Variants in PDZD2 observed in about 807,000 individuals in gnomAD.
PDZD2 encodes the protein PDZ domain-containing protein 2.
Under a neutral mutation model 220.7 loss-of-function variants are expected in PDZD2, and 90 were observed. The observed-to-expected ratio is 0.41, with a 90% confidence interval of 0.34 to 0.49. The LOEUF (loss-of-function observed/expected upper bound fraction) is 0.49, where lower values mean the gene tolerates loss of function less well. Ranked by LOEUF, PDZD2 falls within the 20% of genes least tolerant of loss-of-function variation. The pLI, the probability that PDZD2 is intolerant of heterozygous loss-of-function variation, is 0.28. For synonymous variants in PDZD2, 1,375 were observed against 1,450.5 expected, an observed-to-expected ratio of 0.95 and a Z score of 1.18; for missense variants, 3,174 against 3,608.5, an observed-to-expected ratio of 0.88 and a Z score of 3.08.
intron 2 of PDZD2, among the ~76,000 whole-genome samples, chr5:31,855,410 G>A (rs1349716838): frequency 6.6e-6 from 1 of 152,224 alleles, no homozygotes; most frequent in African/African-American, 2.4e-5. Context: ...ACTTGGAGCT[G>A]GTTTGTCAAT....
At chr5:32,104,716 TAAAAAAAAAAAAAAA>T (rs755177769) in intron 24 of PDZD2, among the ~76,000 whole-genome samples, 9 of 30,098 alleles carry the variant, frequency 3.0e-4, no homozygotes, top group South Asian at 4.3e-3. Context: ...AGGCTCCATC[TAAAAAAAAAAAAAAA>T]AAAAAAAAAA....
intron 1 of PDZD2, among the ~76,000 whole-genome samples, chr5:31,652,397 T>A (rs1283509031): frequency 6.6e-6 from 1 of 152,206 alleles, no homozygotes; most frequent in Non-Finnish European, 1.5e-5. Context: ...AGATAGGAGA[T>A]GGGTGCTTTC....
At chr5:31,937,727 G>A (rs1371929729) in intron 2 of PDZD2, among the ~76,000 whole-genome samples, 1 of 152,106 alleles carries the variant, frequency 6.6e-6, no homozygotes, top group Admixed American at 6.5e-5. Flanking sequence ...TCCTACCGTC[G>A]CCACCCCAAC....
At chr5:31,995,533 G>A (rs371933559) in intron 3 of PDZD2, 43 bp from the exon 4 acceptor site, 2 of 1,612,356 alleles carry the variant, frequency 1.2e-6, no homozygotes, top group Non-Finnish European at 1.7e-6. Context: ...AATGCCGTGT[G>A]TCTGTCAACC....
At chr5:31,941,852 C>T (rs371971959) in intron 2 of PDZD2, among the ~76,000 whole-genome samples, 5 of 152,198 alleles carry the variant, frequency 3.3e-5, no homozygotes, top group Non-Finnish European at 7.3e-5. Context: ...CATCAGTCTT[C>T]GCTATAGTCT....
chr5:31,676,568 CTTT>C (rs778418372), intron 1 of PDZD2, among the ~76,000 whole-genome samples: 11 of 136,362 alleles, frequency 8.1e-5, no homozygotes, highest in Admixed American at 7.5e-5. Context: ...TTTGCTTTCT[CTTT>C]TTTTTTTTTT....
intron 2 of PDZD2, among the ~76,000 whole-genome samples, chr5:31,903,093 G>A (rs922646155): frequency 4.0e-5 from 6 of 151,550 alleles, no homozygotes; most frequent in Non-Finnish European, 7.4e-5. Context: ...TCAGGAGTTC[G>A]AGACCAGCCT....
At chr5:31,940,604 G>A (rs141501047) in intron 2 of PDZD2, among the ~76,000 whole-genome samples, 1,538 of 152,302 alleles carry the variant, frequency 0.01, 29 homozygotes, top group African/African-American at 0.035. Flanking sequence ...TGTATTTTTG[G>A]TAATTTTGAG....
chr5:31,831,911 CAA>C (rs56394577), intron 2 of PDZD2, among the ~76,000 whole-genome samples: 56 of 63,734 alleles, frequency 8.8e-4, no homozygotes, highest in South Asian at 3.9e-3. Flanking sequence ...GAGACTGTTT[CAA>C]AAAAAAAAAA....
At chr5:32,046,894 T>C (rs1738026039) in intron 7 of PDZD2, among the ~76,000 whole-genome samples, 1 of 151,920 alleles carries the variant, frequency 6.6e-6, no homozygotes, top group East Asian at 1.9e-4. Context: ...AATAAAAAAA[T>C]TAGCTGGGCG....
At chr5:31,911,851 A>C (rs1164359696) in intron 2 of PDZD2, among the ~76,000 whole-genome samples, 1 of 152,140 alleles carries the variant, frequency 6.6e-6, no homozygotes, top group Non-Finnish European at 1.5e-5. Flanking sequence ...CCTGGATCAC[A>C]ATGGGTGACC....
intron 19 of PDZD2, among the ~76,000 whole-genome samples, chr5:32,080,744 A>G (rs1741861999): frequency 6.6e-6 from 1 of 152,210 alleles, no homozygotes; most frequent in African/African-American, 2.4e-5. Flanking sequence ...CAGCCATAAA[A>G]AGGAATGAGA....
At position 32,050,290 on chromosome 5, in the gene PDZD2, G is replaced by A. The variant is rs753801784; in HGVS notation, c.1665+1606G>A. 3.2e-4 allele frequency among the ~76,000 whole-genome samples: 48 copies of A among 152,132 alleles called. 1 individual carries two copies. The highest frequency in any genetic ancestry group is 5.1e-4 in the Non-Finnish European group (35 of 68,040). The stretch of plus-strand genomic sequence containing the variant: ...CAGCCATCATGGCCACAGATCGAGC[G>A]TTGAGGTAATTTCTTAACTGACCTG... On this transcript the variant is annotated intron_variant, in intron 8 of 24. Coordinates refer to ENST00000438447, the MANE Select transcript of PDZD2 (RefSeq NM_178140.4).
intron 19 of PDZD2, among the ~76,000 whole-genome samples, chr5:32,079,462 A>G (rs1741696918): frequency 6.6e-6 from 1 of 151,456 alleles, no homozygotes; most frequent in Admixed American, 6.6e-5. Flanking sequence ...TTAGCAAACT[A>G]CGGTGGTAGA....
chr5:31,960,773 T>G (rs1231949269), intron 2 of PDZD2, among the ~76,000 whole-genome samples: 1 of 152,236 alleles, frequency 6.6e-6, no homozygotes, highest in Non-Finnish European at 1.5e-5. Context: ...ATAATTAGTG[T>G]TGTTTTTTTC....
rs146559866 is a variant in PDZD2 at position 32,071,997 on chromosome 5, A to G, written c.2569-164A>G. On this transcript the variant is annotated intron_variant, in intron 16 of 24. Transcript: ENST00000438447. The stretch of plus-strand genomic sequence containing the variant: ...TCACCTTTTTATTTATTAGTTGTCA[A>G]TTTAGCCGTTCTGAGGTACATGGAG... 5.6e-4 allele frequency among the ~76,000 whole-genome samples: 86 copies of G among 152,344 alleles called. No individual in the cohort carries two copies. In the East Asian group the frequency reaches 0.014, roughly 24 times the overall value.
chr5:32,028,947 TG>T (rs1462292586), intron 6 of PDZD2, among the ~76,000 whole-genome samples: 1 of 152,202 alleles, frequency 6.6e-6, no homozygotes, highest in Non-Finnish European at 1.5e-5. Context: ...CCTCCCAAAT[TG>T]CTGGGATTGC....
At chr5:31,933,505 G>C (rs1271255327) in intron 2 of PDZD2, among the ~76,000 whole-genome samples, 1 of 152,036 alleles carries the variant, frequency 6.6e-6, no homozygotes, top group Non-Finnish European at 1.5e-5. Context: ...TTCTGGGATT[G>C]CCCTCTTTGT....
intron 2 of PDZD2, among the ~76,000 whole-genome samples, chr5:31,941,846 A>G (rs1359888663): frequency 6.6e-6 from 1 of 152,216 alleles, no homozygotes; most frequent in Non-Finnish European, 1.5e-5. Context: ...AAGAAACATC[A>G]GTCTTCGCTA....
Sources: gnomAD v4.1 joint callset for allele counts (sites outside exome capture counted in the v4.1 genomes callset) on GRCh38, gnomAD v4.1.1 for gene constraint, MANE v1.5 for transcripts, NCBI Gene and HGNC (gene_info 2026-07-23, HGNC 2026-07-21) for gene names.